Variants in TEX9 observed in about 807,000 individuals in gnomAD.
TEX9 encodes testis-expressed protein 9.
A neutral mutation model predicts 59.6 loss-of-function variants in TEX9; 74 were observed. The observed-to-expected ratio is 1.24, with a 90% CI of 1.03 to 1.51. The LOEUF is 1.51. TEX9 is among the 40% of genes most tolerant of loss of function. The pLI, the probability that TEX9 is intolerant of heterozygous loss-of-function variation, is 0.00. For synonymous variants in TEX9, 186 were observed against 152.2 expected, an observed-to-expected ratio of 1.22 and a Z score of -1.64; for missense variants, 522 against 447.8, an observed-to-expected ratio of 1.17 and a Z score of -1.49.
intron 1 of TEX9, among the ~76,000 whole-genome samples, chr15:56,340,781 G>C (rs2046358258): frequency 6.6e-6 from 1 of 152,072 alleles, no homozygotes; most frequent in Non-Finnish European, 1.5e-5. Flanking sequence ...TTTGACCCTA[G>C]TCAAATCTGA....
chr15:56,399,393 A>G (rs1209389436), intron 9 of TEX9, among the ~76,000 whole-genome samples: 1 of 152,218 alleles, frequency 6.6e-6, no homozygotes, highest in Non-Finnish European at 1.5e-5. Flanking sequence ...GCGAGGTGGC[A>G]GCTTGGCTGT....
At chr15:56,389,269 CA>C in intron 5 of TEX9, 48 bp from the exon 6 acceptor site, 1 of 1,456,056 alleles carries the variant, frequency 6.9e-7, no homozygotes, top group Non-Finnish European at 9.6e-7. Context: ...CTTTCTTTGG[CA>C]AATGATTAGA....
At chr15:56,342,496 A>G (rs1242774986) in intron 1 of TEX9, among the ~76,000 whole-genome samples, 3 of 152,186 alleles carry the variant, frequency 2.0e-5, no homozygotes, top group Non-Finnish European at 4.4e-5. Flanking sequence ...AGCAAACATT[A>G]TGGTTCAGGG....
chr15:56,327,014 C>T (rs1294340926), intron 1 of TEX9, among the ~76,000 whole-genome samples: 2 of 152,120 alleles, frequency 1.3e-5, no homozygotes, highest in Non-Finnish European at 2.9e-5. Flanking sequence ...AACCAAATAC[C>T]ACCTGTTCCC....
intron 1 of TEX9, among the ~76,000 whole-genome samples, chr15:56,291,664 A>G (rs1399693287): frequency 6.6e-6 from 1 of 152,156 alleles, no homozygotes; most frequent in Non-Finnish European, 1.5e-5. Flanking sequence ...TGTCTAACTG[A>G]AATTTTGTAT....
intron 1 of TEX9, among the ~76,000 whole-genome samples, chr15:56,315,868 C>A (rs1328828196): frequency 6.7e-6 from 1 of 150,036 alleles, no homozygotes; most frequent in Non-Finnish European, 1.5e-5. Flanking sequence ...TATTTTTTCT[C>A]TAAACTTCCC....
At position 56,307,234 on chromosome 15, in the gene TEX9, G is replaced by A. The variant is rs573269635; in HGVS notation, c.-107+62956G>A. Among the ~76,000 whole-genome samples, 61 of 152,254 alleles carry A rather than the reference G, an allele frequency of 4.0e-4. 1 individual carries two copies. The highest frequency in any genetic ancestry group is 3.5e-3 in the South Asian group (17 of 4,822). On this transcript the variant is annotated intron_variant, in intron 1 of 5. Transcript: ENST00000560827. ...AGGTACTTCCACATCACAGGCCACT[G>A]GTCTTTTGTCTCAATGTTTATCCTC...
At chr15:56,410,346 T>A (rs1293141590) in intron 9 of TEX9, among the ~76,000 whole-genome samples, 1 of 152,174 alleles carries the variant, frequency 6.6e-6, no homozygotes, top group African/African-American at 2.4e-5. Flanking sequence ...CCCCTCTCTT[T>A]TCTTACTCTC....
intron 12 of TEX9, among the ~76,000 whole-genome samples, chr15:56,433,076 A>G (rs1476096860): frequency 6.6e-6 from 1 of 152,176 alleles, no homozygotes; most frequent in Non-Finnish European, 1.5e-5. Flanking sequence ...ATTTCCAACT[A>G]GTAATCTTCC....
At position 56,376,422 on chromosome 15, in the gene TEX9, C is replaced by G. The variant is rs546403115; in HGVS notation, c.183+2918C>G. Among the ~76,000 whole-genome samples, 3 of 152,062 alleles carry G rather than the reference C, an allele frequency of 2.0e-5. No homozygotes were observed. In the East Asian group the frequency reaches 5.8e-4, roughly 29 times the overall value. On this transcript the variant is annotated intron_variant, in intron 3 of 12. Transcript: ENST00000352903. ...CATCCTTACCAGCATTTGTTATTGC[C>G]TGATTGCCTGTCTTTTGGATATAAG...
chr15:56,396,039 T>C (rs1265263498), intron 9 of TEX9: 1 of 152,198 alleles, frequency 6.6e-6, no homozygotes, highest in Admixed American at 6.5e-5. Context: ...AAGGGGAGAA[T>C]GTATTTTAAA....
At chr15:56,336,875 C>G (rs1014271066) in intron 1 of TEX9, among the ~76,000 whole-genome samples, 1 of 152,114 alleles carries the variant, frequency 6.6e-6, no homozygotes, top group African/African-American at 2.4e-5. Flanking sequence ...CAAGGCATTA[C>G]CTTTCAGCGT....
intron 10 of TEX9, among the ~76,000 whole-genome samples, chr15:56,423,333 C>T (rs2050074625): frequency 6.6e-6 from 1 of 151,990 alleles, no homozygotes; most frequent in Admixed American, 6.6e-5. Flanking sequence ...CTTCTTTGAC[C>T]CCTTGGTAGT....
intron 1 of TEX9, among the ~76,000 whole-genome samples, chr15:56,319,686 G>T (rs1272185026): frequency 1.3e-5 from 2 of 152,100 alleles, no homozygotes; most frequent in East Asian, 3.9e-4. Flanking sequence ...CCAAATGAGA[G>T]AGTCAGCAGG....
chr15:56,334,201 A>G (rs1302663088), intron 1 of TEX9, among the ~76,000 whole-genome samples: 4 of 152,174 alleles, frequency 2.6e-5, no homozygotes, highest in Admixed American at 2.6e-4. Flanking sequence ...AGAATGGCCA[A>G]AGCTATCCCA....
rs1302707730 is a variant in TEX9 at position 56,426,624 on chromosome 15, TATAC to T, written c.964-979_964-976del. On this transcript the variant is annotated intron_variant, in intron 10 of 12. Transcript: ENST00000352903. ...ATATATATATATATATATATATATA[TATAC>T]ACACACACAAACACACACACACACA... 9.1e-4 allele frequency among the ~76,000 whole-genome samples: 38 copies of T among 41,578 alleles called. 1 individual carries two copies. The highest frequency in any genetic ancestry group is 5.9e-3 in the East Asian group (13 of 2,202). The allele number at this position is 41,578 out of a possible 152,430, so 27.3% of individuals were successfully genotyped here.
intron 1 of TEX9, among the ~76,000 whole-genome samples, chr15:56,341,928 G>C (rs1351057341): frequency 6.6e-6 from 1 of 152,124 alleles, no homozygotes; most frequent in African/African-American, 2.4e-5. Context: ...TTTAAGTAAT[G>C]AGTTTGTATT....
At chr15:56,443,305 G>C in intron 12 of TEX9, 1 of 655,230 alleles carries the variant, frequency 1.5e-6, no homozygotes, top group East Asian at 3.1e-5. Context: ...TTTAACTGTA[G>C]TATACCATTT....
intron 9 of TEX9, among the ~76,000 whole-genome samples, chr15:56,407,077 T>C (rs559721973): frequency 2.0e-5 from 3 of 152,170 alleles, no homozygotes; most frequent in East Asian, 1.9e-4. Flanking sequence ...AGAAGTGTTA[T>C]AGTGTTTGTG....
Sources: allele counts gnomAD v4.1 joint callset (sites outside exome capture counted in the v4.1 genomes callset), GRCh38; gene constraint gnomAD v4.1.1; transcripts MANE v1.5; gene names NCBI Gene and HGNC (gene_info 2026-07-23, HGNC 2026-07-21).